Variants in DARS1 observed in about 807,000 individuals in gnomAD.
DARS1 encodes the protein aspartyl-tRNA synthetase 1, also known as aspartate--tRNA ligase, cytoplasmic.
DARS1 carries 51 observed loss-of-function variants against 68.8 expected under a neutral mutation model. The observed-to-expected ratio is 0.74, with a 90% CI of 0.59 to 0.94. DARS1 has a LOEUF of 0.94. Ranked by LOEUF, DARS1 falls within the 40% of genes least tolerant of loss-of-function variation. The pLI, the probability that DARS1 is intolerant of heterozygous loss-of-function variation, is 0.00. For missense variants in DARS1, 607 were observed against 597.3 expected (o/e 1.02, Z -0.17); for synonymous variants, 203 against 190.4 (o/e 1.07, Z -0.55).
chr2:135,931,088 G>A lies in DARS1; in HGVS notation c.564+1695C>T, dbSNP rs1681333038. On this transcript the variant is annotated intron_variant, in intron 7 of 15. Coordinates refer to ENST00000264161, the MANE Select transcript of DARS1 (RefSeq NM_001349.4). ...CATTCATATACGAGAAAAAAGTCAG[G>A]CTACACTAGAACCTGACGGAGGATA... Among the ~76,000 whole-genome samples the A allele has an allele frequency of 2.0e-5, 3 of 152,126 alleles. No individual in the cohort carries two copies. In the South Asian group the frequency reaches 6.2e-4, roughly 32 times the overall value.
intron 3 of DARS1, among the ~76,000 whole-genome samples, chr2:135,978,658 C>T (rs1682554393): frequency 6.6e-6 from 1 of 152,162 alleles, no homozygotes; most frequent in South Asian, 2.1e-4. Context: ...GTTGTTGAGG[C>T]TAAATTTTTA....
At position 135,932,831 on chromosome 2, in the gene DARS1, A is replaced by G; in HGVS notation, c.516T>C (p.Ala172=). The change falls in exon 7 of 16, where the codon GCT becomes GCC. Residue 172 remains alanine (A), a synonymous_variant. Coordinates refer to ENST00000264161, the MANE Select transcript of DARS1 (RefSeq NM_001349.4). ...PEAEGEEEGR[A]TVNQDTRLDN... is the part of the protein sequence containing the mutation. ...CTAATCTTGTATCCTGGTTAACAGT[A>G]GCTCTTCCTTCCTAAAAAAAAAAAA... 2 of 1,270,726 alleles carry G rather than the reference A, an allele frequency of 1.6e-6. No homozygotes were observed. Among genetic ancestry groups the G allele is most frequent in the Non-Finnish European group, 2.2e-6 (2 of 889,250 alleles). The allele number at this position is 1,270,726 out of a possible 1,614,324, so 78.7% of individuals were successfully genotyped here.
intron 4 of DARS1, among the ~76,000 whole-genome samples, chr2:135,955,409 A>T (rs1250044653): frequency 2.6e-5 from 4 of 152,126 alleles, no homozygotes; most frequent in Non-Finnish European, 5.9e-5. Flanking sequence ...TAATTTTTAA[A>T]TCTTTGCAAG....
At chr2:135,973,496 G>A (rs4954551) in intron 3 of DARS1, among the ~76,000 whole-genome samples, 27,706 of 151,524 alleles carry the variant, frequency 0.18, 3,092 homozygotes, top group South Asian at 0.35. Context: ...GAATGAGTAA[G>A]ACCTAGTATT....
chr2:135,945,549 T>G (rs1052032990), intron 4 of DARS1, among the ~76,000 whole-genome samples: 3 of 152,116 alleles, frequency 2.0e-5, no homozygotes, highest in Non-Finnish European at 2.9e-5. Context: ...AAAAAAAAAT[T>G]CCCTCTTCTT....
intron 5 of DARS1, among the ~76,000 whole-genome samples, chr2:135,941,549 A>C (rs1329997606): frequency 2.0e-5 from 3 of 151,884 alleles, no homozygotes; most frequent in Non-Finnish European, 4.4e-5. Context: ...CTAAAACCAT[A>C]AAAACCCTAG....
intron 15 of DARS1, among the ~76,000 whole-genome samples, chr2:135,908,007 C>G (rs1219254270): frequency 2.6e-5 from 4 of 152,064 alleles, no homozygotes; most frequent in African/African-American, 7.2e-5. Context: ...AAAAGCTCTT[C>G]AGGTATTGAT....
chr2:135,928,407 G>GT (rs1681269367), intron 7 of DARS1, among the ~76,000 whole-genome samples: 2 of 149,270 alleles, frequency 1.3e-5, no homozygotes, highest in Admixed American at 6.6e-5. Flanking sequence ...TTTTTTTTTT[G>GT]TTTTTTGAGA....
intron 5 of DARS1, among the ~76,000 whole-genome samples, chr2:135,938,028 T>C (rs986323634): frequency 2.0e-5 from 3 of 152,214 alleles, no homozygotes; most frequent in African/African-American, 7.2e-5. Flanking sequence ...AATTTGAATG[T>C]TGGCCTGCCT....
intron 4 of DARS1, among the ~76,000 whole-genome samples, chr2:135,948,688 A>T (rs1187164747): frequency 1.3e-5 from 2 of 152,026 alleles, no homozygotes; most frequent in Non-Finnish European, 2.9e-5. Context: ...AACATGGTGA[A>T]ACCCCGTCTC....
intron 2 of DARS1, among the ~76,000 whole-genome samples, chr2:135,981,823 C>T (rs557844591): frequency 1.3e-5 from 2 of 151,962 alleles, no homozygotes; most frequent in South Asian, 2.1e-4. Flanking sequence ...TATGCCACCA[C>T]GCCTAGCTAA....
At chr2:135,978,160 A>G (rs1258755250) in intron 3 of DARS1, among the ~76,000 whole-genome samples, 8 of 149,170 alleles carry the variant, frequency 5.4e-5, no homozygotes, top group East Asian at 1.9e-4. Flanking sequence ...AAAAAAAAAA[A>G]AAAAAGAAAA....
chr2:135,936,266 C>T (rs909689872), intron 5 of DARS1, among the ~76,000 whole-genome samples: 2 of 152,172 alleles, frequency 1.3e-5, no homozygotes, highest in Admixed American at 6.5e-5. Context: ...ATTCTGTAAG[C>T]TCTTCTGGCT....
intron 10 of DARS1, among the ~76,000 whole-genome samples, chr2:135,918,864 T>C (rs1035517345): frequency 5.9e-5 from 9 of 152,204 alleles, no homozygotes; most frequent in East Asian, 1.9e-4. Context: ...CCATGAACCA[T>C]TGAAAACTGA....
chr2:135,919,178 G>A (rs1405297812), intron 10 of DARS1, among the ~76,000 whole-genome samples: 2 of 152,062 alleles, frequency 1.3e-5, no homozygotes, highest in East Asian at 1.9e-4. Flanking sequence ...TTACAGGAGC[G>A]TGCCACCATG....
At chr2:135,928,165 C>G (rs898410614) in intron 7 of DARS1, among the ~76,000 whole-genome samples, 1 of 152,106 alleles carries the variant, frequency 6.6e-6, no homozygotes. Flanking sequence ...TTTAAAAATA[C>G]CTATTTAAGT....
At chr2:135,950,597 G>A (rs1681820172) in intron 4 of DARS1, among the ~76,000 whole-genome samples, 1 of 152,124 alleles carries the variant, frequency 6.6e-6, no homozygotes, top group African/African-American at 2.4e-5. Flanking sequence ...ACAGAAGGGT[G>A]GTAGAATACT....
chr2:135,973,681 C>T (rs1682436176), intron 3 of DARS1, among the ~76,000 whole-genome samples: 1 of 151,460 alleles, frequency 6.6e-6, no homozygotes, highest in Non-Finnish European at 1.5e-5. Flanking sequence ...ATGGCAAAAC[C>T]CCATCTTTAC....
chr2:135,954,227 T>G (rs1406697397), intron 4 of DARS1, among the ~76,000 whole-genome samples: 3 of 147,120 alleles, frequency 2.0e-5, no homozygotes, highest in African/African-American at 5.0e-5. Flanking sequence ...GAGACTAGAG[T>G]GTGAATCCAG....
Sources: allele counts gnomAD v4.1 joint callset (sites outside exome capture counted in the v4.1 genomes callset), GRCh38; gene constraint gnomAD v4.1.1; transcripts MANE v1.5; gene names NCBI Gene and HGNC (gene_info 2026-07-23, HGNC 2026-07-21).